The following DIP2C variants were observed in gnomAD, a reference collection of about 807,000 sequenced individuals.
DIP2C encodes disco-interacting protein 2 homolog C.
In DIP2C, 33 loss-of-function variants were observed where a neutral mutation model predicts 192.4. The observed-to-expected ratio is 0.17, with a 90% CI of 0.13 to 0.23. The LOEUF is 0.23. Among genes scored for constraint, DIP2C ranks in the 10% least tolerant of loss-of-function variants. DIP2C has a pLI of 1.00. For synonymous variants in DIP2C, 979 were observed against 864.1 expected, an observed-to-expected ratio of 1.13 and a Z score of -2.33; for missense variants, 1,537 against 2,110.1, an observed-to-expected ratio of 0.73 and a Z score of 5.32.
chr10:630,346 AAC>A (rs1307080192), intron 1 of DIP2C: 2 of 152,354 alleles, frequency 1.3e-5, no homozygotes, highest in East Asian at 3.9e-4. Flanking sequence ...TACTTTTAAA[AAC>A]AGTTGTAATT....
intron 8 of DIP2C, among the ~76,000 whole-genome samples, chr10:411,353 C>T (rs1965173433): frequency 6.6e-6 from 1 of 152,116 alleles, no homozygotes; most frequent in Admixed American, 6.6e-5. Context: ...CACAGCGTGA[C>T]TTATTTTTAT....
At chr10:456,877 T>C (rs189846567) in intron 3 of DIP2C, among the ~76,000 whole-genome samples, 57 of 152,354 alleles carry the variant, frequency 3.7e-4, no homozygotes, top group African/African-American at 1.1e-3. Context: ...AAGATTTTAT[T>C]TTATCCTCAC....
At chr10:604,049 C>A (rs1193802238) in intron 1 of DIP2C, among the ~76,000 whole-genome samples, 1 of 150,072 alleles carries the variant, frequency 6.7e-6, no homozygotes, top group African/African-American at 2.5e-5. Flanking sequence ...AGCCCCACAC[C>A]CCCTCTGGCC....
chr10:591,666 C>T (rs770210965), intron 1 of DIP2C, among the ~76,000 whole-genome samples: 86 of 152,168 alleles, frequency 5.7e-4, no homozygotes, highest in African/African-American at 1.7e-3. Context: ...ATCTGCCTGC[C>T]GGTGAGTTAG....
intron 32 of DIP2C, among the ~76,000 whole-genome samples, chr10:301,384 C>T (rs1435777045): frequency 6.6e-6 from 1 of 152,060 alleles, no homozygotes; most frequent in Non-Finnish European, 1.5e-5. Flanking sequence ...CTTAAGCAGA[C>T]GGTAGATGGT....
intron 2 of DIP2C, among the ~76,000 whole-genome samples, chr10:484,621 C>T (rs1285113537): frequency 6.6e-6 from 1 of 152,214 alleles, no homozygotes; most frequent in East Asian, 1.9e-4. Flanking sequence ...TGGTCTCTGG[C>T]GAGCTCTGGG....
chr10:685,161 A>AATATATAT (rs1222919501), intron 1 of DIP2C, among the ~76,000 whole-genome samples: 1 of 31,794 alleles, frequency 3.1e-5, no homozygotes, highest in African/African-American at 1.0e-4. Flanking sequence ...AAAAAAAAAA[A>AATATATAT]ATATATATAT....
At position 495,338 on chromosome 10, in the gene DIP2C, T is replaced by C. The variant is rs537704004; in HGVS notation, c.86-8808A>G. On this transcript the variant is annotated intron_variant, in intron 1 of 36. Transcript: ENST00000280886. ...AGTTAATAACAATGTACCATCTGCC[T>C]GAAATTCAGTTAACAATGCATCATC... is the stretch of plus-strand genomic sequence containing the variant. Among the ~76,000 whole-genome samples the C allele has an allele frequency of 6.6e-5, 10 of 152,300 alleles. 1 individual carries two copies. The highest frequency in any genetic ancestry group is 2.4e-4 in the African/African-American group (10 of 41,560).
intron 1 of DIP2C, among the ~76,000 whole-genome samples, chr10:557,142 C>G (rs868515018): frequency 6.6e-6 from 1 of 152,220 alleles, no homozygotes; most frequent in Non-Finnish European, 1.5e-5. Context: ...ACTCCTATGT[C>G]TCTGCAGAAA....
intron 7 of DIP2C, among the ~76,000 whole-genome samples, chr10:414,707 ATGTGTGTGTGTGTGTGTG>A (rs71199933): frequency 2.1e-5 from 1 of 47,800 alleles, no homozygotes; most frequent in African/African-American, 9.1e-5. Flanking sequence ...GTGTGTATGT[ATGTGTGTGTGTGTGTGTG>A]TGTGTGTGTG....
In DIP2C at chr10:419,103, G is replaced by A; in HGVS notation, c.701C>T (p.Pro234Leu). Residue 234 changes from proline (P) to leucine (L), a missense_variant, in exon 6 of 37, where the codon CCC (proline) becomes CTC (leucine). Pro to Leu is a moderately conservative substitution (Grantham distance 98). Around this residue, in one of 4 missense-constraint regions of DIP2C, gnomAD observed 473 missense variants for 539.6 expected, o/e 0.88. Transcript: ENST00000280886. Reference protein sequence around the residue: ...PQGSTGSRTAPKYGNAELMET... With the variant: ...PQGSTGSRTALKYGNAELMET... ...CATGAGCTCGGCGTTGCCGTACTTG[G>A]GCGCTGTCCGGGACCCCGTGGAACC... The A allele has an allele frequency of 6.2e-7, 1 of 1,614,284 alleles. No homozygotes were observed.
At chr10:627,498 A>C (rs1854271177) in intron 1 of DIP2C, among the ~76,000 whole-genome samples, 1 of 152,206 alleles carries the variant, frequency 6.6e-6, no homozygotes, top group Non-Finnish European at 1.5e-5. Flanking sequence ...GCCGGTTCTC[A>C]CCACACCAGA....
At chr10:337,959 TGTGTGTGTGC>T (rs1372781209) in intron 29 of DIP2C, among the ~76,000 whole-genome samples, 5 of 148,750 alleles carry the variant, frequency 3.4e-5, no homozygotes, top group African/African-American at 1.0e-4. Flanking sequence ...GACAGTCGTG[TGTGTGTGTGC>T]GTGTGTGTGT....
chr10:396,575 G>A (rs956795208), intron 10 of DIP2C, among the ~76,000 whole-genome samples: 6 of 152,152 alleles, frequency 3.9e-5, no homozygotes, highest in Admixed American at 2.6e-4. Flanking sequence ...AGAGACCTCA[G>A]AGCATGTCCA....
intron 1 of DIP2C, among the ~76,000 whole-genome samples, chr10:489,551 C>T (rs1028146260): frequency 5.9e-5 from 9 of 152,208 alleles, no homozygotes; most frequent in African/African-American, 1.2e-4. Context: ...ACTAGGGAGA[C>T]GGTGGCTCTG....
At chr10:537,593 G>C (rs141380749) in intron 1 of DIP2C, among the ~76,000 whole-genome samples, 1 of 149,596 alleles carries the variant, frequency 6.7e-6, no homozygotes, top group Non-Finnish European at 1.5e-5. Flanking sequence ...CTTGTGCCCA[G>C]GGCACCCAGG....
chr10:519,334 G>A (rs1053317662), intron 1 of DIP2C, among the ~76,000 whole-genome samples: 3 of 152,254 alleles, frequency 2.0e-5, no homozygotes, highest in African/African-American at 4.8e-5. Flanking sequence ...GAAATTCAGA[G>A]AAAGACCCCC....
chr10:462,754 A>C (rs1969897761), intron 3 of DIP2C, among the ~76,000 whole-genome samples: 1 of 152,250 alleles, frequency 6.6e-6, no homozygotes. Context: ...TCCCTGATGA[A>C]CATCAATGTG....
At chr10:506,019 G>A (rs1845574721) in intron 1 of DIP2C, among the ~76,000 whole-genome samples, 3 of 152,096 alleles carry the variant, frequency 2.0e-5, no homozygotes, top group Non-Finnish European at 4.4e-5. Flanking sequence ...ACAAAAGGAG[G>A]TTGTGACATC....
Sources: allele counts gnomAD v4.1 joint callset (sites outside exome capture counted in the v4.1 genomes callset), GRCh38; gene constraint gnomAD v4.1.1; regional missense constraint gnomAD v4.1.1; transcripts MANE v1.5; gene names NCBI Gene and HGNC (gene_info 2026-07-23, HGNC 2026-07-21).